IGFN1: variants seen among roughly 807,000 people sequenced by gnomAD.
IGFN1 encodes the protein immunoglobulin like and fibronectin type III domain containing 1.
Under a neutral mutation model 289.5 loss-of-function variants are expected in IGFN1, and 253 were observed. That is an observed-to-expected ratio of 0.87 (90% CI 0.79 to 0.97). The LOEUF (loss-of-function observed/expected upper bound fraction) is 0.97. Ranked by LOEUF, IGFN1 falls within the 50% of genes least tolerant of loss-of-function variation. The pLI, the probability that IGFN1 is intolerant of heterozygous loss-of-function variation, is 0.00. For missense variants in IGFN1, 4,470 were observed against 4,686.1 expected (o/e 0.95, Z 1.35); for synonymous variants, 1,706 against 1,788.5 (o/e 0.95, Z 1.16).
intron 23 of IGFN1, among the ~76,000 whole-genome samples, chr1:201,228,153 C>T (rs972108805): frequency 1.3e-5 from 2 of 152,330 alleles, no homozygotes; most frequent in Middle Eastern, 3.4e-3. Context: ...AGCTTGTGTA[C>T]ACATGTAGTC....
At chr1:201,197,149 T>C in intron 4 of IGFN1, 69 bp from the exon 5 acceptor site, 1 of 915,882 alleles carries the variant, frequency 1.1e-6, no homozygotes, top group Non-Finnish European at 1.8e-6. Context: ...CCCCAACACA[T>C]AGCCGTGTCT....
chr1:201,219,432 A>C (rs1241960986), intron 18 of IGFN1, among the ~76,000 whole-genome samples: 2 of 152,222 alleles, frequency 1.3e-5, no homozygotes, highest in Non-Finnish European at 2.9e-5. Context: ...ACAGCAAAAA[A>C]TGTCTGTGAT....
chr1:201,204,571 G>C (rs534501292), intron 10 of IGFN1, among the ~76,000 whole-genome samples: 1 of 152,356 alleles, frequency 6.6e-6, no homozygotes, highest in South Asian at 2.1e-4. Context: ...GAGGTGCCCA[G>C]ATGGGGCTTT....
At chr1:201,217,188 G>A in intron 16 of IGFN1, 99 bp from the exon 17 acceptor site, 1 of 1,054,384 alleles carries the variant, frequency 9.5e-7, no homozygotes. Context: ...GGCGGAGTGT[G>A]GCCTGTCCCA....
rs1667435263 is a variant in IGFN1 at position 201,206,613 on chromosome 1, A to C, written c.1720A>C (p.Ser574Arg). ...SRLQAGGLGS[S>R]REGKEHRGDS... ...GCTTCAGGCTGGAGGACTGGGGAGC[A>C]GCAGGGAAGGAAAGGAGCACAGAGG... Residue 574 changes from serine to arginine, a missense_variant, in exon 12 of 24, where the codon AGC becomes CGC. Coordinates refer to ENST00000335211, the MANE Select transcript of IGFN1 (RefSeq NM_001164586.2). The C allele has an allele frequency of 1.3e-6, 2 of 1,544,116 alleles. No homozygotes were observed. Among genetic ancestry groups the C allele is most frequent in the Non-Finnish European group, 1.7e-6 (2 of 1,146,936 alleles).
chr1:201,217,135 G>C, intron 16 of IGFN1, 152 bp from the exon 17 acceptor site: 3 of 669,612 alleles, frequency 4.5e-6, no homozygotes, highest in Non-Finnish European at 7.7e-6. Context: ...CCAGAACACT[G>C]ACCTAGGGCG....
chr1:201,201,899 A>G, intron 9 of IGFN1, 67 bp downstream of exon 9: 1 of 780,304 alleles, frequency 1.3e-6, no homozygotes, highest in Non-Finnish European at 2.2e-6. Flanking sequence ...TGGAGAGGGA[A>G]CTATGGGTAC....
At chr1:201,203,199 G>A (rs1384472602) in intron 9 of IGFN1, among the ~76,000 whole-genome samples, 1 of 152,160 alleles carries the variant, frequency 6.6e-6, no homozygotes, top group African/African-American at 2.4e-5. Context: ...ACAGTGCCTG[G>A]CACACAGTGG....
At chr1:201,228,094 C>T (rs1654230498) in intron 23 of IGFN1, among the ~76,000 whole-genome samples, 1 of 152,252 alleles carries the variant, frequency 6.6e-6, no homozygotes, top group Non-Finnish European at 1.5e-5. Flanking sequence ...TCTCTCCTCT[C>T]TGTAGCACCT....
intron 12 of IGFN1, among the ~76,000 whole-genome samples, chr1:201,213,933 C>T (rs886400717): frequency 1.3e-5 from 2 of 152,118 alleles, no homozygotes; most frequent in Admixed American, 1.3e-4. Context: ...GGCGGGGGGG[C>T]CCTTCATATA....
In IGFN1 at chr1:201,209,524, G is replaced by A. The variant is rs1415761459; in HGVS notation, c.4631G>A (p.Ser1544Asn). 6.5e-6 allele frequency: 10 copies of A among 1,533,162 alleles called. No individual in the cohort carries two copies. In the South Asian group the frequency reaches 1.1e-4, roughly 16 times the overall value. 95.0% of individuals were successfully genotyped at this position (1,533,162 alleles called of 1,614,324 possible). A position where few individuals can be genotyped will look rare whatever the true frequency, so the allele number is the denominator to read the frequency against. ...GCTTCTGAGGCAATAGGTTCAGGGA[G>A]TAAGGCAGGTTTTACGGATGGTTTA... Reference protein sequence around the residue: ...LGASEAIGSGSKAGFTDGLGG... With the variant: ...LGASEAIGSGNKAGFTDGLGG... The change falls in exon 12 of 24, where the codon AGT becomes AAT. Residue 1544 changes from serine (S) to asparagine (N), a missense_variant. By Grantham distance (46) the Ser-to-Asn change is conservative. This residue lies in a region of IGFN1 where 2,011 missense variants were observed against 1,953.4 expected (regional missense o/e 1.03). Coordinates refer to ENST00000335211, the MANE Select transcript of IGFN1 (RefSeq NM_001164586.2).
intron 22 of IGFN1, among the ~76,000 whole-genome samples, chr1:201,226,525 A>T (rs1400194879): frequency 6.6e-6 from 1 of 152,228 alleles, no homozygotes; most frequent in Non-Finnish European, 1.5e-5. Context: ...AATCAAATCA[A>T]GGTTTCATTT....
In IGFN1 at chr1:201,227,110, C is replaced by T; in HGVS notation, c.11015C>T (p.Thr3672Ile). 1 of 1,613,576 alleles carries T rather than the reference C, an allele frequency of 6.2e-7. No homozygotes were observed. The highest frequency in any genetic ancestry group is 8.5e-7 in the Non-Finnish European group (1 of 1,180,018). ...GACCTGCTGGGCGTGTGCTCCCTCA[C>T]CATCCCCAGCGTATCCCCGAAGGAC... ...STDLLGVCSL[T>I]IPSVSPKDSG... The change falls in exon 23 of 24, where the codon ACC becomes ATC. Residue 3672 changes from threonine (T) to isoleucine (I), a missense_variant. Around this residue, in one of 8 missense-constraint regions of IGFN1, gnomAD observed 2,218 missense variants for 2,114.1 expected, o/e 1.05. Transcript: ENST00000335211.
At chr1:201,191,425 GA>G (rs1179102445) in intron 1 of IGFN1, among the ~76,000 whole-genome samples, 5 of 152,176 alleles carry the variant, frequency 3.3e-5, no homozygotes, top group Non-Finnish European at 5.9e-5. Flanking sequence ...AGGTCCTGGA[GA>G]GGGGGCAGGG....
chr1:201,209,272 A>G lies in IGFN1; in HGVS notation c.4379A>G (p.Tyr1460Cys), dbSNP rs1667591636. Residue 1460 changes from tyrosine to cysteine, a missense_variant, in exon 12 of 24, where the codon TAT becomes TGT. By Grantham distance (194) the Tyr-to-Cys change is radical (BLOSUM62 -2). Transcript: ENST00000335211. The part of the protein sequence containing the change: ...GEMRSMDEAG[Y>C]RKNLGAPERM... ...ATGAGGTCAATGGATGAGGCAGGTT[A>G]TAGGAAAAATTTGGGAGCTCCTGAG... is the stretch of plus-strand genomic sequence containing the variant. The G allele has an allele frequency of 2.0e-6, 3 of 1,486,472 alleles. No homozygotes were observed. Among genetic ancestry groups the G allele is most frequent in the Admixed American group, 2.4e-5 (1 of 40,978 alleles). The allele number at this position is 1,486,472 out of a possible 1,614,324, so 92.1% of individuals were successfully genotyped here. A position where few individuals can be genotyped will look rare whatever the true frequency, so the allele number is the denominator to read the frequency against.
intron 20 of IGFN1, chr1:201,223,062 T>C: frequency 7.8e-6 from 3 of 382,656 alleles, no homozygotes; most frequent in Non-Finnish European, 1.4e-5. Context: ...GCTCCAGGCC[T>C]GCAAATCCCT....
In IGFN1 at chr1:201,208,958, G is replaced by C; in HGVS notation, c.4065G>C (p.Gly1355=). The C allele has an allele frequency of 1.3e-6, 2 of 1,536,512 alleles. No homozygotes were observed. Among genetic ancestry groups the C allele is most frequent in the East Asian group, 2.4e-5 (1 of 40,860 alleles). The part of the protein sequence containing the change: ...GLQDSREAGS[G]SKADYSGGLK... ...AGGATTCCAGGGAAGCGGGTTCAGG[G>C]AGCAAGGCAGATTATAGCGGTGGTT... The change falls in exon 12 of 24, where the codon GGG becomes GGC. Residue 1355 remains glycine (G), a synonymous_variant. Coordinates refer to ENST00000335211, the MANE Select transcript of IGFN1 (RefSeq NM_001164586.2).
Position 201,226,959 on chromosome 1 carries a change from TC to T in IGFN1, c.10867del (p.His3623ThrfsTer11). 1 of 1,612,718 alleles carries T rather than the reference TC, an allele frequency of 6.2e-7. No individual in the cohort carries two copies. Among genetic ancestry groups the T allele is most frequent in the African/African-American group, 1.3e-5 (1 of 75,054 alleles). On this transcript the variant is annotated frameshift_variant, in exon 23 of 24. Transcript: ENST00000335211. LOFTEE classifies it high-confidence loss of function. ...QKPRFLVGLRSHLLPQGCECC... is the reference protein window; with the variant it reads ...QKPRFLVGLRXHLLPQGCECC... ...GCCCCGGTTCCTGGTGGGCCTGCGG[TC>T]CCACCTGCTGCCCCAGGGCTGCGAG...
At chr1:201,224,617 C>T (rs1653958344) in intron 20 of IGFN1, 62 bp from the exon 21 acceptor site, 1 of 1,433,660 alleles carries the variant, frequency 7.0e-7, no homozygotes. Flanking sequence ...AGCTTAAATG[C>T]CATCACCTCC....
Sources: allele counts gnomAD v4.1 joint callset (sites outside exome capture counted in the v4.1 genomes callset), GRCh38; gene constraint gnomAD v4.1.1; regional missense constraint gnomAD v4.1.1; transcripts MANE v1.5; gene names NCBI Gene and HGNC (gene_info 2026-07-23, HGNC 2026-07-21).